The following KAT6A variants were observed in gnomAD, a reference collection of about 807,000 sequenced individuals.
The protein encoded by KAT6A is histone acetyltransferase KAT6A.
In KAT6A, 9 loss-of-function variants were observed where a neutral mutation model predicts 198.4. The observed-to-expected ratio is 0.05, with a 90% CI of 0.03 to 0.08. KAT6A has a LOEUF of 0.08. Among genes scored for constraint, KAT6A ranks in the 10% least tolerant of loss-of-function variants. KAT6A has a pLI of 1.00. For synonymous variants in KAT6A, 890 were observed against 883.0 expected, an observed-to-expected ratio of 1.01 and a Z score of -0.14; for missense variants, 2,077 against 2,509.9, an observed-to-expected ratio of 0.83 and a Z score of 3.69.
rs1340686478 is a variant in KAT6A, at chr8:41,955,217, C to CA, written c.1598+78dup. ...TCAAATGTAAAGGATAAGGTGGACTCAAACATCTTCAAGATCCCTTCCAGT... is the reference window on the plus strand; with the variant it reads ...TCAAATGTAAAGGATAAGGTGGACTCAAAACATCTTCAAGATCCCTTCCAGT... On this transcript the variant is annotated intron_variant, in intron 9 of 16. Transcript: ENST00000265713. The CA allele has an allele frequency of 3.8e-5, 34 of 889,406 alleles. No individual in the cohort carries two copies. The Admixed American group carries it at 3.9e-4, about 10-fold the overall frequency. The allele number at this position is 889,406 out of a possible 1,614,324, so 55.1% of individuals were successfully genotyped here.
chr8:42,025,836 C>A (rs1471148288), intron 2 of KAT6A, among the ~76,000 whole-genome samples: 3 of 152,184 alleles, frequency 2.0e-5, no homozygotes, highest in African/African-American at 7.2e-5. Flanking sequence ...TTGCCTGTAT[C>A]AATGTCCTTA....
At chr8:41,992,963 T>C (rs1483603354) in intron 2 of KAT6A, among the ~76,000 whole-genome samples, 1 of 152,170 alleles carries the variant, frequency 6.6e-6, no homozygotes, top group East Asian at 1.9e-4. Flanking sequence ...TTCAAACATG[T>C]GTCTTTATCA....
At chr8:41,978,516 A>C in intron 6 of KAT6A, 126 bp downstream of exon 6, 1 of 900,624 alleles carries the variant, frequency 1.1e-6, no homozygotes, top group East Asian at 2.4e-5. Flanking sequence ...AGTGTTAGCC[A>C]TTATTATTAT....
intron 2 of KAT6A, among the ~76,000 whole-genome samples, chr8:41,994,373 T>C (rs1398708671): frequency 6.6e-6 from 1 of 152,166 alleles, no homozygotes; most frequent in Non-Finnish European, 1.5e-5. Flanking sequence ...CCCCCTCAGT[T>C]ACCTGCCTGA....
intron 2 of KAT6A, among the ~76,000 whole-genome samples, chr8:42,010,959 A>C (rs1825992162): frequency 6.6e-6 from 1 of 152,232 alleles, no homozygotes; most frequent in Non-Finnish European, 1.5e-5. Context: ...CATCTGAGAC[A>C]GGAAACAATG....
intron 2 of KAT6A, among the ~76,000 whole-genome samples, chr8:42,037,974 C>G (rs1344329950): frequency 1.3e-5 from 2 of 152,188 alleles, no homozygotes; most frequent in South Asian, 4.1e-4. Flanking sequence ...ACAAATCTCT[C>G]AAGCTCCTCC....
intron 11 of KAT6A, 91 bp downstream of exon 11, chr8:41,947,660 C>T (rs1822463497): frequency 2.0e-6 from 2 of 1,012,726 alleles, no homozygotes; most frequent in African/African-American, 3.3e-5. Context: ...CTAGGAGGTG[C>T]TGCATCTTGT....
At chr8:41,966,785 G>A (rs1304172664) in intron 8 of KAT6A, among the ~76,000 whole-genome samples, 1 of 152,032 alleles carries the variant, frequency 6.6e-6, no homozygotes, top group African/African-American at 2.4e-5. Context: ...CTTAGCACAT[G>A]CCTAATGATT....
In KAT6A at chr8:41,930,532, T is replaced by G. The variant is rs1408857302; in HGVS notation, c.*1673A>C. Reference sequence around the variant, plus strand: ...AATGCCTAATTAGTACTTTAAAAATTTATCTATATAAAATGTACAAATAAA... The same window carrying G: ...AATGCCTAATTAGTACTTTAAAAATGTATCTATATAAAATGTACAAATAAA... On this transcript the variant is annotated 3_prime_UTR_variant, in exon 17 of 17. Transcript: ENST00000265713. 2 of 195,212 alleles carry G rather than the reference T, an allele frequency of 1.0e-5. No homozygotes were observed. Among genetic ancestry groups the G allele is most frequent in the African/African-American group, 2.3e-5 (1 of 42,996 alleles). 12.1% of individuals were successfully genotyped at this position (195,212 alleles called of 1,614,324 possible).
At chr8:42,002,543 A>G (rs1198782688) in intron 2 of KAT6A, among the ~76,000 whole-genome samples, 1 of 152,198 alleles carries the variant, frequency 6.6e-6, no homozygotes, top group African/African-American at 2.4e-5. Context: ...CCTGGGTGAC[A>G]GAGTGAGACT....
rs538642816 is a variant in KAT6A, at chr8:42,009,894, C to CAA, written c.601-22333_601-22332dup. 5.7e-3 allele frequency among the ~76,000 whole-genome samples: 276 copies of CAA among 48,762 alleles called. 3 individuals are homozygous for CAA. Among genetic ancestry groups the CAA allele is most frequent in the African/African-American group, 6.6e-3 (79 of 12,002 alleles). The allele number at this position is 48,762 out of a possible 152,430, so 32.0% of individuals were successfully genotyped here. A position where few individuals can be genotyped will look rare whatever the true frequency, so the allele number is the denominator to read the frequency against. ...CTGGCGACAGGACAAAGCCCTGTCT[C>CAA]AAAAAAAAAAAAAAAAAAAACAAAA... is the stretch of plus-strand genomic sequence containing the variant. On this transcript the variant is annotated intron_variant, in intron 2 of 16. Transcript: ENST00000265713.
Position 42,049,098 on chromosome 8 carries a change from T to C in KAT6A, c.-121A>G. 9.4e-7 allele frequency: 1 copy of C among 1,063,430 alleles called. No homozygotes were observed. The highest frequency in any genetic ancestry group is 1.4e-6 in the Non-Finnish European group (1 of 737,096). The allele number at this position is 1,063,430 out of a possible 1,614,324, so 65.9% of individuals were successfully genotyped here. On this transcript the variant is annotated 5_prime_UTR_variant, in exon 2 of 17. Coordinates refer to ENST00000265713, the MANE Select transcript of KAT6A (RefSeq NM_006766.5). ...ACCAGTTAACCATAGCATATGAGTT[T>C]TCTGGCCTAAGTCCTTCCTCCTTTC...
At position 42,013,049 on chromosome 8, in the gene KAT6A, G is replaced by C. The variant is rs1238425158; in HGVS notation, c.601-25486C>G. 3.3e-5 allele frequency among the ~76,000 whole-genome samples: 5 copies of C among 151,750 alleles called. 1 individual carries two copies. The highest frequency in any genetic ancestry group is 3.3e-4 in the Admixed American group (5 of 15,256). ...CAGTGGTTTGCCAGGGTTGGGGGAG[G>C]GTGATGACTACAAAAGTCAAGTTTT... On this transcript the variant is annotated intron_variant, in intron 2 of 16. Transcript: ENST00000265713.
intron 2 of KAT6A, among the ~76,000 whole-genome samples, chr8:42,002,784 A>C (rs1190587751): frequency 6.6e-6 from 1 of 152,188 alleles, no homozygotes; most frequent in Admixed American, 6.5e-5. Context: ...TTTAAATTCT[A>C]ATTTTTTATT....
At chr8:41,967,568 T>C (rs1369632816) in intron 8 of KAT6A, among the ~76,000 whole-genome samples, 7 of 151,732 alleles carry the variant, frequency 4.6e-5, no homozygotes, top group South Asian at 4.2e-4. Flanking sequence ...GTTCTTGCGA[T>C]AGTTTACTGA....
rs2150851822 is a variant in KAT6A at position 41,929,501 on chromosome 8, T to A, written c.*2704A>T. ...ACATCCAAAATGGCTCAACATAATT[T>A]ATTTTTTATGTTAAAATGTACAGAG... On this transcript the variant is annotated 3_prime_UTR_variant, in exon 17 of 17. Coordinates refer to ENST00000265713, the MANE Select transcript of KAT6A (RefSeq NM_006766.5). The A allele has an allele frequency of 1.1e-5, 2 of 180,948 alleles. No homozygotes were observed. The highest frequency in any genetic ancestry group is 2.4e-5 in the Non-Finnish European group (2 of 84,682). 11.2% of individuals were successfully genotyped at this position (180,948 alleles called of 1,614,324 possible).
chr8:42,049,564 G>GCTA (rs1802495595), intron 1 of KAT6A: 2 of 154,322 alleles, frequency 1.3e-5, no homozygotes. Flanking sequence ...TGACCTTTAA[G>GCTA]CTACCACTAA....
Position 41,932,271 on chromosome 8 carries a change from A to G in KAT6A, c.5949T>C (p.His1983=). Residue 1983 remains histidine (H), a synonymous_variant, in exon 17 of 17, where the codon CAT becomes CAC. Coordinates refer to ENST00000265713, the MANE Select transcript of KAT6A (RefSeq NM_006766.5). ...CGCCAGCAGCGTTCATGTAGCTGTG[A>G]TGGGAGGGGCCTGTGTACATCATGT... is the stretch of plus-strand genomic sequence containing the variant. ...HGNMMYTGPS[H]HSYMNAAGVP... 1 of 1,614,024 alleles carries G rather than the reference A, an allele frequency of 6.2e-7. No homozygotes were observed. The highest frequency in any genetic ancestry group is 8.5e-7 in the Non-Finnish European group (1 of 1,179,960).
At chr8:42,026,500 T>G (rs1826820168) in intron 2 of KAT6A, among the ~76,000 whole-genome samples, 3 of 152,180 alleles carry the variant, frequency 2.0e-5, no homozygotes, top group Non-Finnish European at 4.4e-5. Context: ...TGGTTAAATT[T>G]ATAACTAGGT....
Sources: allele counts gnomAD v4.1 joint callset (sites outside exome capture counted in the v4.1 genomes callset), GRCh38; gene constraint gnomAD v4.1.1; transcripts MANE v1.5; gene names NCBI Gene and HGNC (gene_info 2026-07-23, HGNC 2026-07-21).